The following MINK1 variants were observed in gnomAD, a reference collection of about 807,000 sequenced individuals.
MINK1 encodes the protein misshapen like kinase 1, also known as misshapen-like kinase 1.
A neutral mutation model predicts 178.4 loss-of-function variants in MINK1; 46 were observed. The ratio of observed to expected loss-of-function variants is 0.26; its 90% confidence interval spans 0.20 to 0.33. The LOEUF is 0.33. Among genes scored for constraint, MINK1 ranks in the 10% least tolerant of loss-of-function variants. The probability of loss-of-function intolerance (pLI) is 1.00; values close to 1 mark genes in which losing one functional copy is unlikely to be tolerated. For synonymous variants in MINK1, 797 were observed against 709.7 expected, an observed-to-expected ratio of 1.12 and a Z score of -1.96; for missense variants, 1,366 against 1,814.9, an observed-to-expected ratio of 0.75 and a Z score of 4.49.
chr17:4,891,185 T>TACAC lies in MINK1; in HGVS notation c.1740+68_1740+71dup, dbSNP rs531380817. 20 of 1,208,212 alleles carry TACAC rather than the reference T, an allele frequency of 1.7e-5. No homozygotes were observed. The South Asian group carries it at 2.6e-4, about 15-fold the overall frequency. The allele number at this position is 1,208,212 out of a possible 1,614,324, so 74.8% of individuals were successfully genotyped here. A position where few individuals can be genotyped will look rare whatever the true frequency, so the allele number is the denominator to read the frequency against. ...CAGGGAGCTTTGTTCAGAGCACAGG[T>TACAC]ACACACACACGCGCGCACACACACA... On this transcript the variant is annotated intron_variant, in intron 15 of 31. Coordinates refer to ENST00000355280, the MANE Select transcript of MINK1 (RefSeq NM_153827.5).
intron 1 of MINK1, among the ~76,000 whole-genome samples, chr17:4,848,084 A>G (rs953726506): frequency 6.6e-6 from 1 of 152,044 alleles, no homozygotes; most frequent in Non-Finnish European, 1.5e-5. Context: ...ACTCTGAAGG[A>G]CTATTTGATT....
In MINK1 at chr17:4,880,687, C is replaced by T. The variant is rs1967617864; in HGVS notation, c.124-297C>T. 3.3e-5 allele frequency among the ~76,000 whole-genome samples: 5 copies of T among 150,794 alleles called. No homozygotes were observed. In the South Asian group the frequency reaches 8.3e-4, roughly 25 times the overall value. On this transcript the variant is annotated intron_variant, in intron 2 of 31. Coordinates refer to ENST00000355280, the MANE Select transcript of MINK1 (RefSeq NM_153827.5). ...GGCCGAGGCAGGCGGATCACGAGGT[C>T]AGGAGATCGAGACCATCCTGGCTAA...
chr17:4,872,445 C>T (rs1915967175), intron 1 of MINK1, among the ~76,000 whole-genome samples: 1 of 151,920 alleles, frequency 6.6e-6, no homozygotes, highest in Non-Finnish European at 1.5e-5. Flanking sequence ...CAAGACCAGC[C>T]TGGGCAACAC....
Position 4,887,239 on chromosome 17 carries a change from TG to T in MINK1, c.1019+62del, listed in dbSNP as rs1374361943. 13 of 1,502,666 alleles carry T rather than the reference TG, an allele frequency of 8.7e-6. No individual in the cohort carries two copies. Among genetic ancestry groups the T allele is most frequent in the Non-Finnish European group, 1.2e-5 (13 of 1,102,736 alleles). 93.1% of individuals were successfully genotyped at this position (1,502,666 alleles called of 1,614,324 possible). ...TCATCGCTGAGTGGGGGGACTACAG[TG>T]GTGCTTGGCTTTGGGGACTCTCAGC... On this transcript the variant is annotated intron_variant, in intron 11 of 31. Coordinates refer to ENST00000355280, the MANE Select transcript of MINK1 (RefSeq NM_153827.5). The surrounding 1 kb of genome is among the most constrained non-coding windows in gnomAD (Gnocchi z 7.6).
intron 31 of MINK1, 101 bp from the exon 32 acceptor site, chr17:4,897,099 TCTCC>T (rs1969610150): frequency 9.9e-7 from 1 of 1,008,736 alleles, no homozygotes; most frequent in Admixed American, 2.1e-5. Flanking sequence ...AGTCTCTGTG[TCTCC>T]CTCAACTCTT....
At chr17:4,847,389 C>T (rs745743263) in intron 1 of MINK1, among the ~76,000 whole-genome samples, 3 of 152,196 alleles carry the variant, frequency 2.0e-5, no homozygotes, top group Non-Finnish European at 4.4e-5. Flanking sequence ...CAGGCTCCCA[C>T]CACCACACCT....
chr17:4,853,725 A>T (rs905469976), intron 1 of MINK1, among the ~76,000 whole-genome samples: 5 of 152,056 alleles, frequency 3.3e-5, no homozygotes, highest in African/African-American at 1.2e-4. Context: ...TGAGAGGATG[A>T]ACTTGATTCT....
intron 1 of MINK1, among the ~76,000 whole-genome samples, chr17:4,842,041 G>A (rs1245615752): frequency 6.6e-6 from 1 of 152,062 alleles, no homozygotes; most frequent in African/African-American, 2.4e-5. Context: ...CTAACACGGT[G>A]AAACCCCGTC....
chr17:4,835,753 T>G (rs1909220954), intron 1 of MINK1, among the ~76,000 whole-genome samples: 1 of 152,150 alleles, frequency 6.6e-6, no homozygotes, highest in Non-Finnish European at 1.5e-5. Flanking sequence ...ACCCTCAACC[T>G]GGGATTTCCA....
chr17:4,892,435 G>T lies in MINK1; in HGVS notation c.2121G>T (p.Leu707=), dbSNP rs1279682085. ...GCAACTCCGCCTGGCAAATCTATCTGCAAAGGCGGGCAGAGCGGGGCACCC... is the reference window on the plus strand; with the variant it reads ...GCAACTCCGCCTGGCAAATCTATCTTCAAAGGCGGGCAGAGCGGGGCACCC... ...PRSNSAWQIY[L]QRRAERGTPK... The change falls in exon 18 of 32, where the codon CTG becomes CTT. Residue 707 remains leucine, a synonymous_variant. Transcript: ENST00000355280. 6.4e-7 allele frequency: 1 copy of T among 1,557,034 alleles called. No individual in the cohort carries two copies. The highest frequency in any genetic ancestry group is 2.0e-5 in the Admixed American group (1 of 51,264).
In MINK1 at chr17:4,896,569, GGAGATGCCTACTTCTGTGGGTGAGT is replaced by G; in HGVS notation, c.3760_3775+9del. On this transcript the variant is annotated splice_donor_variant and splice_donor_5th_base_variant and coding_sequence_variant and intron_variant, in exon 30 of 32. Coordinates refer to ENST00000355280, the MANE Select transcript of MINK1 (RefSeq NM_153827.5). LOFTEE classifies it high-confidence loss of function. The surrounding 1 kb of genome is among the most constrained non-coding windows in gnomAD (Gnocchi z 4.6). The stretch of plus-strand genomic sequence containing the variant: ...TTAAGGATGTGGTGCTGCAGTGGGG[GGAGATGCCTACTTCTGTGGGTGAGT>G]GAGCTGCCGCCCTCCCAGCCACATG... The G allele has an allele frequency of 6.2e-7, 1 of 1,613,912 alleles. No individual in the cohort carries two copies. Among genetic ancestry groups the G allele is most frequent in the Non-Finnish European group, 8.5e-7 (1 of 1,179,854 alleles).
At chr17:4,871,725 G>GT (rs1333654809) in intron 1 of MINK1, among the ~76,000 whole-genome samples, 2 of 152,164 alleles carry the variant, frequency 1.3e-5, no homozygotes, top group Non-Finnish European at 2.9e-5. Context: ...ATAACTCATT[G>GT]TTTAACATTT....
chr17:4,873,779 C>T (rs1966923063), intron 1 of MINK1, among the ~76,000 whole-genome samples: 1 of 151,982 alleles, frequency 6.6e-6, no homozygotes, highest in Non-Finnish European at 1.5e-5. Flanking sequence ...CCACCATATC[C>T]AGATGATTTT....
intron 20 of MINK1, 170 bp downstream of exon 20, chr17:4,893,237 C>T (rs761809609): frequency 6.2e-7 from 1 of 1,611,368 alleles, no homozygotes; most frequent in African/African-American, 1.3e-5. Context: ...CTCCTAACCT[C>T]TCTCCTAACC....
chr17:4,880,899 C>CA (rs556357863), intron 2 of MINK1, 85 bp from the exon 3 acceptor site: 56,411 of 1,065,312 alleles, frequency 0.053, 255 homozygotes, highest in South Asian at 0.065. Context: ...GACCCTGTCT[C>CA]AAAAAAAAAA....
rs375435436 is a variant in MINK1, at chr17:4,890,540, G to A, written c.1371G>A (p.Glu457=). The part of the protein sequence containing the change: ...REQEYKRKQL[E]EQRQSERLQR... ...AGGAATACAAGCGGAAGCAGCTGGA[G>A]GAGCAGCGGCAGTCAGAACGTCTCC... The change falls in exon 14 of 32, where the codon GAG becomes GAA. Residue 457 remains glutamate, a synonymous_variant. Transcript: ENST00000355280. The A allele has an allele frequency of 8.7e-5, 138 of 1,590,324 alleles. No homozygotes were observed. The highest frequency in any genetic ancestry group is 1.9e-4 in the African/African-American group (14 of 74,408).
At chr17:4,837,337 C>G (rs1909468078) in intron 1 of MINK1, among the ~76,000 whole-genome samples, 1 of 152,220 alleles carries the variant, frequency 6.6e-6, no homozygotes, top group Non-Finnish European at 1.5e-5. Flanking sequence ...CAACACGTGC[C>G]ACTTACAACA....
Position 4,892,242 on chromosome 17 carries a change from C to G in MINK1, c.2087+8C>G, listed in dbSNP as rs371157761. ...CCAGGCAGTCCGTGCCAGGTAATGC[C>G]TGGGTAGGGCAACGCCTGGGTGAGG... is the stretch of plus-strand genomic sequence containing the variant. On this transcript the variant is annotated splice_region_variant and intron_variant, in intron 17 of 31. Transcript: ENST00000355280. 1.2e-3 allele frequency: 1,804 copies of G among 1,566,556 alleles called. 7 individuals are homozygous for G. The highest frequency in any genetic ancestry group is 6.2e-3 in the Middle Eastern group (37 of 5,934).
At chr17:4,866,239 A>AGATG (rs1174022980) in intron 1 of MINK1, among the ~76,000 whole-genome samples, 1 of 152,152 alleles carries the variant, frequency 6.6e-6, no homozygotes. Flanking sequence ...AGGCCAAGAC[A>AGATG]GATGGATCAC....
Sources: gnomAD v4.1 joint callset for allele counts (sites outside exome capture counted in the v4.1 genomes callset) on GRCh38, gnomAD v4.1.1 for gene constraint, Gnocchi (gnomAD v3.1) non-coding constraint, MANE v1.5 for transcripts, NCBI Gene and HGNC (gene_info 2026-07-23, HGNC 2026-07-21) for gene names.